VTCN1: variants seen among roughly 807,000 people sequenced by gnomAD.
The protein encoded by VTCN1 is V-set domain containing T cell activation inhibitor 1, also known as V-set domain-containing T-cell activation inhibitor 1.
A neutral mutation model predicts 26.5 loss-of-function variants in VTCN1; 26 were observed. That is an observed-to-expected ratio of 0.98 (90% confidence interval 0.72 to 1.36). The LOEUF is 1.36. VTCN1 is among the 40% of genes most tolerant of loss of function. The pLI is 0.00. For missense variants in VTCN1, 298 were observed against 337.7 expected, an observed-to-expected ratio of 0.88 and a Z score of 0.92; for synonymous variants, 116 against 130.7, an observed-to-expected ratio of 0.89 and a Z score of 0.77.
chr1:117,202,480 C>T (rs1648837173), intron 1 of VTCN1, among the ~76,000 whole-genome samples: 1 of 152,114 alleles, frequency 6.6e-6, no homozygotes, highest in African/African-American at 2.4e-5. Flanking sequence ...AAGATAAGAA[C>T]AGAGGTGTAA....
intron 1 of VTCN1, among the ~76,000 whole-genome samples, chr1:117,170,945 C>T (rs1018513111): frequency 5.3e-5 from 8 of 152,084 alleles, no homozygotes; most frequent in African/African-American, 1.4e-4. Context: ...CCTATCAACC[C>T]GTCATCTAGG....
intron 1 of VTCN1, among the ~76,000 whole-genome samples, chr1:117,208,351 C>T (rs1019603488): frequency 2.0e-5 from 3 of 152,146 alleles, no homozygotes; most frequent in Admixed American, 1.3e-4. Context: ...AAGACACAGC[C>T]CACCCATTCT....
chr1:117,153,258 T>G lies in VTCN1; in HGVS notation c.557A>C (p.Asp186Ala). ...GACTTCCGAGAAGTTGGCTCCCTGGTCAACTTGGGATGCCCAGACCACTGT... is the reference window on the plus strand; with the variant it reads ...GACTTCCGAGAAGTTGGCTCCCTGGGCAACTTGGGATGCCCAGACCACTGT... ...QPTVVWASQV[D>A]QGANFSEVSN... is the part of the protein sequence containing the mutation. Residue 186 changes from aspartate to alanine, a missense_variant, in exon 4 of 6, where the codon GAC becomes GCC. Transcript: ENST00000369458. The G allele has an allele frequency of 6.2e-7, 1 of 1,614,048 alleles. No individual in the cohort carries two copies. The highest frequency in any genetic ancestry group is 8.5e-7 in the Non-Finnish European group (1 of 1,179,978).
At chr1:117,203,020 G>A (rs560123708) in intron 1 of VTCN1, among the ~76,000 whole-genome samples, 3 of 152,258 alleles carry the variant, frequency 2.0e-5, no homozygotes, top group Admixed American at 2.0e-4. Flanking sequence ...ATGTCTGCTG[G>A]AGGAGGTGTT....
chr1:117,153,968 C>A (rs114841949), intron 3 of VTCN1, among the ~76,000 whole-genome samples: 1 of 152,180 alleles, frequency 6.6e-6, no homozygotes. Context: ...GAGTTAACTG[C>A]ATTTTGAAAT....
intron 1 of VTCN1, among the ~76,000 whole-genome samples, chr1:117,199,833 A>G (rs1475362548): frequency 6.6e-6 from 1 of 151,208 alleles, no homozygotes; most frequent in African/African-American, 2.4e-5. Context: ...ATGGGGTTTC[A>G]CCATGTTGGC....
At position 117,170,175 on chromosome 1, in the gene VTCN1, C is replaced by T. The variant is rs374191577; in HGVS notation, c.33-4G>A. 23 of 1,613,292 alleles carry T rather than the reference C, an allele frequency of 1.4e-5. No homozygotes were observed. The highest frequency in any genetic ancestry group is 3.3e-5 in the Admixed American group (2 of 60,004). On this transcript the variant is annotated splice_region_variant and splice_polypyrimidine_tract_variant and intron_variant, in intron 1 of 5. Transcript: ENST00000369458. ...AATAATGATGATGCTAATTATGCTA[C>T]GGGAAGAGAGAGAGAAACAGAAAAT...
intron 4 of VTCN1, among the ~76,000 whole-genome samples, chr1:117,152,255 G>A (rs753555633): frequency 6.6e-6 from 1 of 152,104 alleles, no homozygotes; most frequent in African/African-American, 2.4e-5. Context: ...AAAATCATAA[G>A]AATATGATTT....
chr1:117,197,216 C>T (rs1378840134), intron 1 of VTCN1, among the ~76,000 whole-genome samples: 6 of 152,146 alleles, frequency 3.9e-5, no homozygotes, highest in Non-Finnish European at 8.8e-5. Flanking sequence ...TCAAGCATTT[C>T]ATTGACCCAG....
At chr1:117,157,091 TGA>T in intron 2 of VTCN1, 170 bp from the exon 3 acceptor site, 1 of 759,196 alleles carries the variant, frequency 1.3e-6, no homozygotes, top group Admixed American at 2.4e-5. Flanking sequence ...ACAATCATTT[TGA>T]TATATATATA....
chr1:117,201,863 A>G (rs1039816623), intron 1 of VTCN1, among the ~76,000 whole-genome samples: 1 of 152,210 alleles, frequency 6.6e-6, no homozygotes, highest in Non-Finnish European at 1.5e-5. Flanking sequence ...TCTCTCTTTA[A>G]CAAATGGAAG....
intron 1 of VTCN1, among the ~76,000 whole-genome samples, chr1:117,209,283 C>G (rs946773045): frequency 6.6e-6 from 1 of 152,162 alleles, no homozygotes; most frequent in African/African-American, 2.4e-5. Flanking sequence ...CAAAGCATTA[C>G]GAGAGAGCCC....
rs145887761 is a variant in VTCN1, at chr1:117,157,092, G to GATATATATATATATATATATATATAT, written c.98-172_98-171insATATATATATATATATATATATATAT. On this transcript the variant is annotated intron_variant, in intron 2 of 5. Coordinates refer to ENST00000369458, the MANE Select transcript of VTCN1 (RefSeq NM_024626.4). Reference sequence around the variant, plus strand: ...GAAAGAGCAGGAAGACAATCATTTTGATATATATATATATATATATATAGC... The same window carrying GATATATATATATATATATATATATAT: ...GAAAGAGCAGGAAGACAATCATTTTGATATATATATATATATATATATATATATATATATATATATATATATATAGC... 1.1e-3 allele frequency: 627 copies of GATATATATATATATATATATATATAT among 561,100 alleles called. 5 individuals are homozygous for GATATATATATATATATATATATATAT. Among genetic ancestry groups the GATATATATATATATATATATATATAT allele is most frequent in the African/African-American group, 7.6e-3 (302 of 39,654 alleles). 34.8% of individuals were successfully genotyped at this position (561,100 alleles called of 1,614,324 possible). A position where few individuals can be genotyped will look rare whatever the true frequency, so the allele number is the denominator to read the frequency against.
intron 1 of VTCN1, among the ~76,000 whole-genome samples, chr1:117,188,019 G>T (rs957153779): frequency 2.0e-5 from 3 of 152,160 alleles, no homozygotes; most frequent in Non-Finnish European, 4.4e-5. Flanking sequence ...GGTAGGAAAA[G>T]ATTTGGGAAG....
chr1:117,208,906 G>T (rs1309428959), intron 1 of VTCN1, among the ~76,000 whole-genome samples: 2 of 152,172 alleles, frequency 1.3e-5, no homozygotes, highest in African/African-American at 4.8e-5. Context: ...CATCACCACT[G>T]TCATGATCAC....
intron 3 of VTCN1, among the ~76,000 whole-genome samples, chr1:117,156,334 C>T (rs1409076186): frequency 6.6e-6 from 1 of 152,144 alleles, no homozygotes; most frequent in Non-Finnish European, 1.5e-5. Flanking sequence ...GAATAGAGAA[C>T]ACACCTGGAA....
chr1:117,168,787 G>A (rs1652748459), intron 2 of VTCN1, among the ~76,000 whole-genome samples: 1 of 152,118 alleles, frequency 6.6e-6, no homozygotes, highest in South Asian at 2.1e-4. Context: ...GTAGAGACAG[G>A]GTCTCTTTTT....
intron 1 of VTCN1, among the ~76,000 whole-genome samples, chr1:117,201,966 C>A (rs1386343414): frequency 6.6e-6 from 1 of 152,226 alleles, no homozygotes; most frequent in East Asian, 1.9e-4. Context: ...CTCTCTCCTG[C>A]CTCAGGGCTT....
rs572347461 is a variant in VTCN1 at position 117,144,589 on chromosome 1, G to C, written c.*682C>G. Reference sequence around the variant, plus strand: ...GCATTTGTTTGTTTAAAAAGAAGGTGCTCAGTTTATTTATAAAATCGGTGT... The same window carrying C: ...GCATTTGTTTGTTTAAAAAGAAGGTCCTCAGTTTATTTATAAAATCGGTGT... On this transcript the variant is annotated 3_prime_UTR_variant, in exon 6 of 6. Coordinates refer to ENST00000369458, the MANE Select transcript of VTCN1 (RefSeq NM_024626.4). 44 of 152,288 alleles carry C rather than the reference G, an allele frequency of 2.9e-4. No individual in the cohort carries two copies. Among genetic ancestry groups the C allele is most frequent in the African/African-American group, 8.7e-4 (36 of 41,546 alleles). 9.4% of individuals were successfully genotyped at this position (152,288 alleles called of 1,614,324 possible).
Sources: allele counts gnomAD v4.1 joint callset (sites outside exome capture counted in the v4.1 genomes callset), GRCh38; gene constraint gnomAD v4.1.1; transcripts MANE v1.5; gene names NCBI Gene and HGNC (gene_info 2026-07-23, HGNC 2026-07-21).